USP9X: variants seen among roughly 807,000 people sequenced by gnomAD.
USP9X encodes ubiquitin carboxyl-terminal hydrolase 9X.
Under a neutral mutation model 190.3 loss-of-function variants are expected in USP9X, and 7 were observed. That is an observed-to-expected ratio of 0.04 (90% CI 0.02 to 0.07). The LOEUF (loss-of-function observed/expected upper bound fraction) is 0.07, where lower values mean the gene tolerates loss of function less well. Ranked by LOEUF, USP9X falls within the 10% of genes least tolerant of loss-of-function variation. USP9X has a pLI of 1.00. For missense variants in USP9X, 1,010 were observed against 1,916.9 expected (o/e 0.53, Z 8.83); for synonymous variants, 645 against 659.5 (o/e 0.98, Z 0.34).
At chrX:41,223,001 T>C (rs1021457833) in intron 38 of USP9X, among the ~76,000 whole-genome samples, 9 of 112,437 alleles carry the variant, frequency 8.0e-5, no homozygotes, top group Admixed American at 2.8e-4. Flanking sequence ...TTAATACTTA[T>C]ACTCAATGGG....
In USP9X at chrX:41,233,404, C is replaced by G. The variant is rs1684243259; in HGVS notation, c.*880C>G. 1 of 112,229 alleles carries G rather than the reference C, an allele frequency of 8.9e-6. No individual in the cohort carries two copies. The highest frequency in any genetic ancestry group is 3.7e-4 in the South Asian group (1 of 2,737). 9.2% of individuals were successfully genotyped at this position (112,229 alleles called of 1,213,427 possible). On this transcript the variant is annotated 3_prime_UTR_variant, in exon 45 of 45. Transcript: ENST00000378308. ...CTCTGGGTGGAATAAAGAACACTTACGTATCAGTAATGGGAATTTTTAAAG... is the reference window on the plus strand; with the variant it reads ...CTCTGGGTGGAATAAAGAACACTTAGGTATCAGTAATGGGAATTTTTAAAG...
At chrX:41,134,858 T>C (rs762095106) in intron 5 of USP9X, 21 bp downstream of exon 5, 1 of 1,140,298 alleles carries the variant, frequency 8.8e-7, no homozygotes, top group African/African-American at 1.8e-5. Flanking sequence ...CATTTGACTT[T>C]AAAGGATCAG....
chrX:41,197,331 T>TGCGCCCCGCCCCCCCCCCCCCCCC, intron 28 of USP9X, 33 bp from the exon 29 acceptor site: 1 of 486,767 alleles, frequency 2.1e-6, no homozygotes, highest in Non-Finnish European at 2.9e-6. Flanking sequence ...TTTGATTTCT[T>TGCGCCCCGCCCCCCCCCCCCCCCC]CCCCCCCCCA....
chrX:41,113,132 CTG>C (rs907866471), intron 1 of USP9X, among the ~76,000 whole-genome samples: 1 of 112,549 alleles, frequency 8.9e-6, no homozygotes, highest in Non-Finnish European at 1.9e-5. Flanking sequence ...ATAATTGAAT[CTG>C]TCATAGCAAC....
chrX:41,127,872 G>C (rs1486762034), intron 2 of USP9X, among the ~76,000 whole-genome samples: 1 of 112,359 alleles, frequency 8.9e-6, no homozygotes, highest in Non-Finnish European at 1.9e-5. Flanking sequence ...AGCCTATAGT[G>C]AATAGAAAAT....
rs79492483 is a variant in USP9X at position 41,183,824 on chromosome X, A to AT, written c.3149-164dup. 0.13 allele frequency among the ~76,000 whole-genome samples: 13,982 copies of AT among 104,301 alleles called. 879 individuals carry two copies. Among genetic ancestry groups the AT allele is most frequent in the East Asian group, 0.22 (728 of 3,349 alleles). 90.6% of individuals were successfully genotyped at this position (104,301 alleles called of 115,157 possible). A position where few individuals can be genotyped will look rare whatever the true frequency, so the allele number is the denominator to read the frequency against. ...CTGTTTTTTGTTTTTGTTTTTGTTT[A>AT]TTTTTTTTTTCTTTTTTAATCATTC... is the stretch of plus-strand genomic sequence containing the variant. On this transcript the variant is annotated intron_variant, in intron 21 of 44. Transcript: ENST00000378308.
Position 41,216,282 on chromosome X carries a change from A to C in USP9X, c.5715A>C (p.Val1905=). ...NRWYKFDDGD[V]TECKMDDDEE... ...GGTATAAATTTGATGATGGTGATGT[A>C]ACAGAATGTAAAATGGATGATGACG... The change falls in exon 35 of 45, where the codon GTA becomes GTC. Residue 1905 remains valine, a synonymous_variant. Transcript: ENST00000378308. 8.3e-7 allele frequency: 1 copy of C among 1,211,996 alleles called. No individual in the cohort carries two copies. Among genetic ancestry groups the C allele is most frequent in the South Asian group, 1.8e-5 (1 of 57,013 alleles).
At chrX:41,196,805 A>G in intron 28 of USP9X, 67 bp downstream of exon 28, 1 of 922,692 alleles carries the variant, frequency 1.1e-6, no homozygotes, top group South Asian at 2.8e-5. Flanking sequence ...TTGATGATTT[A>G]TATTTTTTGA....
intron 8 of USP9X, 23 bp from the exon 9 acceptor site, chrX:41,141,270 T>G: frequency 8.3e-7 from 1 of 1,200,950 alleles, no homozygotes; most frequent in Non-Finnish European, 1.1e-6. Flanking sequence ...AGAATCATAC[T>G]TATCACTGAA....
intron 21 of USP9X, among the ~76,000 whole-genome samples, chrX:41,179,671 T>C (rs1464560764): frequency 5.4e-5 from 6 of 112,117 alleles, no homozygotes; most frequent in Non-Finnish European, 5.6e-5. Context: ...CGTATTTGTA[T>C]CTCTACAGCA....
chrX:41,203,972 A>G (rs1388881969), intron 31 of USP9X, among the ~76,000 whole-genome samples: 1 of 112,004 alleles, frequency 8.9e-6, no homozygotes, highest in East Asian at 2.8e-4. Context: ...TGCTGGGATT[A>G]TAGGCATGAG....
At chrX:41,094,357 G>A (rs1398446182) in intron 1 of USP9X, among the ~76,000 whole-genome samples, 28 of 108,949 alleles carry the variant, frequency 2.6e-4, no homozygotes, top group Non-Finnish European at 1.9e-5. Flanking sequence ...TGTATTTTTA[G>A]TAGAGATGGG....
At chrX:41,225,197 A>G in intron 41 of USP9X, 60 bp downstream of exon 41, 1 of 1,055,997 alleles carries the variant, frequency 9.5e-7, no homozygotes, top group Non-Finnish European at 1.3e-6. Flanking sequence ...GAGTTAACTG[A>G]AATTGACAGT....
intron 36 of USP9X, among the ~76,000 whole-genome samples, chrX:41,218,163 C>T (rs1328896031): frequency 9.0e-6 from 1 of 111,163 alleles, no homozygotes; most frequent in Non-Finnish European, 1.9e-5. Context: ...TTTTAGAGGA[C>T]AAGCTTTCAC....
rs1409318242 is a variant in USP9X, at chrX:41,144,620, T to C, written c.1413T>C (p.Cys471=). The C allele has an allele frequency of 1.7e-6, 2 of 1,193,924 alleles. No homozygotes were observed. The highest frequency in any genetic ancestry group is 2.3e-6 in the Non-Finnish European group (2 of 880,335). The change falls in exon 11 of 45, where the codon TGT becomes TGC. Residue 471 remains cysteine, a synonymous_variant. Coordinates refer to ENST00000378308, the MANE Select transcript of USP9X (RefSeq NM_001039591.3). ...AACAACTTGATCATCTTTTTGATTG[T>C]TTTAAGGTAATTGTTAACATAGCAA... ...SPEQLDHLFD[C]FKASWTNASK...
intron 13 of USP9X, 64 bp downstream of exon 13, chrX:41,151,121 A>G: frequency 9.2e-7 from 1 of 1,081,677 alleles, no homozygotes; most frequent in Admixed American, 3.0e-5. Context: ...GAAAAGAAAC[A>G]GCATATTGGC....
In USP9X at chrX:41,140,950, A is replaced by G. The variant is rs754547981; in HGVS notation, c.771-16A>G. On this transcript the variant is annotated splice_polypyrimidine_tract_variant and intron_variant, in intron 7 of 44. Transcript: ENST00000378308. ...AATTGCGTATTTACAGGAGTTTTGT[A>G]TCTTTCTTATTTCAGACCATTTGGG... is the stretch of plus-strand genomic sequence containing the variant. 1.7e-6 allele frequency: 2 copies of G among 1,158,370 alleles called. No homozygotes were observed. Among genetic ancestry groups the G allele is most frequent in the Non-Finnish European group, 2.3e-6 (2 of 875,131 alleles).
intron 4 of USP9X, among the ~76,000 whole-genome samples, chrX:41,133,767 G>A (rs2062346080): frequency 8.9e-6 from 1 of 111,865 alleles, no homozygotes; most frequent in South Asian, 3.7e-4. Flanking sequence ...GAAATGACAG[G>A]ATCTCATTTG....
intron 1 of USP9X, among the ~76,000 whole-genome samples, chrX:41,095,393 G>T (rs1371543846): frequency 8.9e-6 from 1 of 112,017 alleles, no homozygotes; most frequent in Non-Finnish European, 1.9e-5. Flanking sequence ...ACAGTTTGGG[G>T]CAGATAAGTC....
Sources: allele counts gnomAD v4.1 joint callset (sites outside exome capture counted in the v4.1 genomes callset), GRCh38; gene constraint gnomAD v4.1.1; transcripts MANE v1.5; gene names NCBI Gene and HGNC (gene_info 2026-07-23, HGNC 2026-07-21).